The following SCN7A variants were observed in gnomAD, a reference collection of about 807,000 sequenced individuals.
The protein encoded by SCN7A is sodium channel protein type 7 subunit alpha.
In SCN7A, 138 loss-of-function variants were observed where a neutral mutation model predicts 155.2. The observed-to-expected ratio is 0.89, with a 90% CI of 0.77 to 1.02. The LOEUF is 1.02. SCN7A is among the 50% of genes least tolerant of loss of function. The probability of loss-of-function intolerance (pLI) is 0.00; values close to 1 mark genes in which losing one functional copy is unlikely to be tolerated. For missense variants in SCN7A, 2,058 were observed against 1,986.6 expected (o/e 1.04, Z -0.68); for synonymous variants, 693 against 649.0 (o/e 1.07, Z -1.03).
chr2:166,474,367 G>A, intron 3 of SCN7A, 23 bp from the exon 4 acceptor site: 1 of 1,130,832 alleles, frequency 8.8e-7, no homozygotes, highest in Non-Finnish European at 1.3e-6. Flanking sequence ...AAGCGATCAA[G>A]TGAAATTAGA....
At chr2:166,485,253 A>T (rs1352038600) in intron 2 of SCN7A, among the ~76,000 whole-genome samples, 2 of 152,178 alleles carry the variant, frequency 1.3e-5, no homozygotes, top group Non-Finnish European at 2.9e-5. Flanking sequence ...TTGGAATTAA[A>T]ATCATCTCAA....
At chr2:166,472,215 G>C (rs1293364375) in intron 6 of SCN7A, 102 bp downstream of exon 6, 3 of 1,182,894 alleles carry the variant, frequency 2.5e-6, no homozygotes, top group Non-Finnish European at 3.5e-6. Flanking sequence ...TTCACTTGCA[G>C]ACTATCTGCA....
In SCN7A at chr2:166,432,444, C is replaced by T. The variant is rs1701752648; in HGVS notation, c.2466G>A (p.Glu822=). The T allele has an allele frequency of 5.0e-6, 8 of 1,613,636 alleles. No homozygotes were observed. Among genetic ancestry groups the T allele is most frequent in the Non-Finnish European group, 5.9e-6 (7 of 1,179,690 alleles). ...TAGGACTGGGGATAAGTGATTGGCT[C>T]TCATTTTCAGTAGCGTTTTTCTCTG... ...SGTEKNATEN[E]SQSLIPSPSV... The change falls in exon 16 of 26, where the codon GAG becomes GAA. Residue 822 remains glutamate, a synonymous_variant. Transcript: ENST00000643258.
chr2:166,457,792 T>C (rs533276499), intron 10 of SCN7A, among the ~76,000 whole-genome samples: 4 of 152,286 alleles, frequency 2.6e-5, no homozygotes, highest in Admixed American at 6.5e-5. Context: ...TAAAAAATTA[T>C]AAGTATAACA....
Position 166,406,102 on chromosome 2 carries a change from G to C in SCN7A, c.4527C>G (p.Thr1509=). Residue 1509 remains threonine, a synonymous_variant, in exon 26 of 26, where the codon ACC becomes ACG. Transcript: ENST00000643258. ...ATTTCCTAAAATCATCTTCACTCAA[G>C]GTCTTGTTTTTCTTCTTAGAAGCAA... ...LNIASKKKNK[T]LSEDDFRKFF... 1 of 1,611,956 alleles carries C rather than the reference G, an allele frequency of 6.2e-7. No individual in the cohort carries two copies. Among genetic ancestry groups the C allele is most frequent in the South Asian group, 1.1e-5 (1 of 91,008 alleles).
Position 166,471,572 on chromosome 2 carries a change from A to G in SCN7A, c.572+745T>C, listed in dbSNP as rs1475647792. Among the ~76,000 whole-genome samples the G allele has an allele frequency of 2.0e-5, 3 of 151,890 alleles. No individual in the cohort carries two copies. In the East Asian group the frequency reaches 5.8e-4, roughly 29 times the overall value. ...AAATGTTATTTTAAAAACTGACCCAAAATCTACAAATAGAAAATTACTTTA... is the reference window on the plus strand; with the variant it reads ...AAATGTTATTTTAAAAACTGACCCAGAATCTACAAATAGAAAATTACTTTA... On this transcript the variant is annotated intron_variant, in intron 6 of 25. Coordinates refer to ENST00000643258, the MANE Select transcript of SCN7A (RefSeq NM_002976.4).
chr2:166,450,908 C>G (rs1702163977), intron 11 of SCN7A, among the ~76,000 whole-genome samples: 4 of 152,086 alleles, frequency 2.6e-5, no homozygotes, highest in Non-Finnish European at 5.9e-5. Context: ...GTAATTTATG[C>G]AATTCCAAAT....
intron 3 of SCN7A, among the ~76,000 whole-genome samples, chr2:166,475,528 A>G (rs1702778652): frequency 6.6e-6 from 1 of 151,598 alleles, no homozygotes. Flanking sequence ...CAATCTGTGA[A>G]CACTTTGACC....
At chr2:166,449,431 G>T (rs1276364559) in intron 11 of SCN7A, among the ~76,000 whole-genome samples, 1 of 152,098 alleles carries the variant, frequency 6.6e-6, no homozygotes, top group East Asian at 1.9e-4. Flanking sequence ...GGCAAGTTCT[G>T]CTGTGGTATA....
intron 11 of SCN7A, among the ~76,000 whole-genome samples, chr2:166,456,123 C>T (rs1039460594): frequency 2.6e-5 from 4 of 152,022 alleles, no homozygotes; most frequent in Non-Finnish European, 5.9e-5. Context: ...GACCAAACAC[C>T]GCATGTTCTC....
At chr2:166,489,291 T>A (rs1357954627) in intron 1 of SCN7A, among the ~76,000 whole-genome samples, 1 of 152,228 alleles carries the variant, frequency 6.6e-6, no homozygotes. Context: ...CATAAAGTTG[T>A]ATACGTTAGC....
intron 10 of SCN7A, among the ~76,000 whole-genome samples, chr2:166,458,825 T>C (rs1305389292): frequency 6.6e-6 from 1 of 152,156 alleles, no homozygotes; most frequent in Non-Finnish European, 1.5e-5. Context: ...CTCTATGATG[T>C]TCACATAATG....
rs150222364 is a variant in SCN7A at position 166,492,211 on chromosome 2, G to C, written c.-128+1757C>G. On this transcript the variant is annotated intron_variant, in intron 1 of 25. Transcript: ENST00000643258. ...ATATGCAGCAGCAGGTCCAACGGTC[G>C]TGTGCCATCTGGGATCTGATGACCC... 5.4e-3 allele frequency among the ~76,000 whole-genome samples: 823 copies of C among 152,156 alleles called. 2 individuals are homozygous for C. Among genetic ancestry groups the C allele is most frequent in the Non-Finnish European group, 8.8e-3 (600 of 67,996 alleles).
At position 166,409,863 on chromosome 2, in the gene SCN7A, A is replaced by C; in HGVS notation, c.3784T>G (p.Cys1262Gly). 6.4e-7 allele frequency: 1 copy of C among 1,569,766 alleles called. No individual in the cohort carries two copies. The change falls in exon 25 of 26, where the codon TGT becomes GGT. Residue 1262 changes from cysteine (C) to glycine (G), a missense_variant. Transcript: ENST00000643258. ...AFNVIVMVLI[C>G]FQAIAMMIDT... ...ATCATCATGGCTATTGCTTGGAAAC[A>C]TATAAGAACCATAACAATGACATTA...
intron 5 of SCN7A, among the ~76,000 whole-genome samples, chr2:166,473,041 G>GAGAGGATCATGAAAAAAATAACT (rs1346868480): frequency 2.6e-5 from 4 of 151,724 alleles, no homozygotes; most frequent in Non-Finnish European, 5.9e-5. Flanking sequence ...TGGGAGGAGA[G>GAGAGGATCATGAAAAAAATAACT]AGAGGATCAT....
At chr2:166,407,368 T>C (rs1481813466) in intron 25 of SCN7A, among the ~76,000 whole-genome samples, 4 of 151,990 alleles carry the variant, frequency 2.6e-5, no homozygotes, top group Admixed American at 1.3e-4. Flanking sequence ...GTATAAGAGA[T>C]GTTCTCTGGA....
chr2:166,473,575 G>A (rs564184324), intron 5 of SCN7A, among the ~76,000 whole-genome samples: 25 of 151,368 alleles, frequency 1.7e-4, no homozygotes, highest in African/African-American at 5.8e-4. Flanking sequence ...TGAATGGAAA[G>A]GAATGAAAGT....
Position 166,473,798 on chromosome 2 carries a change from C to T in SCN7A, c.443+1G>A, listed in dbSNP as rs1389476124. 4 of 1,305,922 alleles carry T rather than the reference C, an allele frequency of 3.1e-6. No homozygotes were observed. In the African/African-American group the frequency reaches 4.4e-5, roughly 14 times the overall value. The allele number at this position is 1,305,922 out of a possible 1,614,324, so 80.9% of individuals were successfully genotyped here. A position where few individuals can be genotyped will look rare whatever the true frequency, so the allele number is the denominator to read the frequency against. ...ATGTATAAAATAATTATATAACATA[C>T]TCTAATACTGGTCTCCATTTTGGCA... On this transcript the variant is annotated splice_donor_variant, in intron 5 of 25. Transcript: ENST00000643258. LOFTEE classifies it high-confidence loss of function.
intron 24 of SCN7A, 95 bp from the exon 25 acceptor site, chr2:166,410,030 A>G: frequency 7.7e-7 from 1 of 1,293,260 alleles, no homozygotes; most frequent in East Asian, 2.5e-5. Context: ...TCCCAAAATA[A>G]ATGAGAATAA....
Sources: allele counts gnomAD v4.1 joint callset (sites outside exome capture counted in the v4.1 genomes callset), GRCh38; gene constraint gnomAD v4.1.1; transcripts MANE v1.5; gene names NCBI Gene and HGNC (gene_info 2026-07-23, HGNC 2026-07-21).